The following LHX4 variants were observed in gnomAD, a reference collection of about 807,000 sequenced individuals.
The protein encoded by LHX4 is LIM/homeobox protein Lhx4.
A neutral mutation model predicts 39.2 loss-of-function variants in LHX4; 16 were observed. That is an observed-to-expected ratio of 0.41 (90% CI 0.28 to 0.62). The LOEUF (loss-of-function observed/expected upper bound fraction) is 0.62, where lower values mean the gene tolerates loss of function less well. Among genes scored for constraint, LHX4 ranks in the 20% least tolerant of loss-of-function variants. The pLI is 0.33. For synonymous variants in LHX4, 206 were observed against 198.1 expected (o/e 1.04, Z -0.33); for missense variants, 439 against 511.9 (o/e 0.86, Z 1.37).
rs578008740 is a variant in LHX4, at chr1:180,242,067, A to T, written c.77-6218A>T. On this transcript the variant is annotated intron_variant, in intron 1 of 5. Transcript: ENST00000263726. ...ATTTTTGAGCCCTTTCCAAAAAAGT[A>T]TTTGAAACAATGTTTCTACTTCCTT... Among the ~76,000 whole-genome samples the T allele has an allele frequency of 8.0e-4, 121 of 152,100 alleles. 1 individual carries two copies. In the South Asian group the frequency reaches 0.012, roughly 15 times the overall value.
intron 1 of LHX4, among the ~76,000 whole-genome samples, chr1:180,248,051 C>G (rs1053337528): frequency 2.0e-5 from 3 of 152,222 alleles, no homozygotes; most frequent in Admixed American, 2.0e-4. Flanking sequence ...CACCCCAAGC[C>G]AGAATCCACA....
intron 3 of LHX4, chr1:180,270,857 GAC>G: frequency 4.9e-6 from 1 of 203,836 alleles, no homozygotes; most frequent in Non-Finnish European, 1.0e-5. Flanking sequence ...AACCTGCTTA[GAC>G]ACTGTTGGGT....
chr1:180,260,535 G>C (rs908954896), intron 2 of LHX4, among the ~76,000 whole-genome samples: 1 of 151,962 alleles, frequency 6.6e-6, no homozygotes, highest in Non-Finnish European at 1.5e-5. Context: ...CTGGGACCCA[G>C]CACACAAGAC....
At chr1:180,249,886 AGT>A in intron 2 of LHX4, among the ~76,000 whole-genome samples, 1 of 143,456 alleles carries the variant, frequency 7.0e-6, no homozygotes, top group South Asian at 2.2e-4. Flanking sequence ...TGCGTGTGTG[AGT>A]GTGTGTATGA....
intron 2 of LHX4, among the ~76,000 whole-genome samples, chr1:180,257,255 A>G (rs357062): frequency 0.29 from 43,621 of 152,136 alleles, 6,959 homozygotes; most frequent in African/African-American, 0.44. Context: ...AGGGCCTTGG[A>G]CTAGGTCACT....
rs80332346 is a variant in LHX4, at chr1:180,254,600, C to T, written c.248+6144C>T. Among the ~76,000 whole-genome samples, 579 of 152,286 alleles carry T rather than the reference C, an allele frequency of 3.8e-3. 4 individuals are homozygous for T. Among genetic ancestry groups the T allele is most frequent in the African/African-American group, 0.013 (543 of 41,546 alleles). Reference sequence around the variant, plus strand: ...CACTCTGGTGACCAGGGCCTCTGCTCCTCATCTTGCAGGGGGCAGCTGCCC... The same window carrying T: ...CACTCTGGTGACCAGGGCCTCTGCTTCTCATCTTGCAGGGGGCAGCTGCCC... On this transcript the variant is annotated intron_variant, in intron 2 of 5. Transcript: ENST00000263726.
At chr1:180,240,826 C>A (rs1664428206) in intron 1 of LHX4, among the ~76,000 whole-genome samples, 2 of 152,138 alleles carry the variant, frequency 1.3e-5, no homozygotes, top group African/African-American at 4.8e-5. Context: ...AAATGGAATC[C>A]AGTTTCTGAT....
At chr1:180,229,792 C>G (rs114309408), upstream of LHX4, among the ~76,000 whole-genome samples, 1 of 151,430 alleles carries the variant, frequency 6.6e-6, no homozygotes, top group Admixed American at 6.6e-5. Flanking sequence ...CCCCTGGGTC[C>G]GAACGGAGGA....
At position 180,274,038 on chromosome 1, in the gene LHX4, T is replaced by C. The variant is rs1648861961; in HGVS notation, c.779-147T>C. 4 of 940,570 alleles carry C rather than the reference T, an allele frequency of 4.3e-6. No individual in the cohort carries two copies. The East Asian group carries it at 9.9e-5, about 23-fold the overall frequency. The allele number at this position is 940,570 out of a possible 1,614,324, so 58.3% of individuals were successfully genotyped here. A position where few individuals can be genotyped will look rare whatever the true frequency, so the allele number is the denominator to read the frequency against. ...TTGGCCTCTGGATATCAGGCTGCCA[T>C]ATTGGTGTGTCTGACCCATGCTTGG... On this transcript the variant is annotated intron_variant, in intron 5 of 5. Coordinates refer to ENST00000263726, the MANE Select transcript of LHX4 (RefSeq NM_033343.4).
rs775443876 is a variant in LHX4 at position 180,266,626 on chromosome 1, C to G, written c.451+32C>G. 6.2e-7 allele frequency: 1 copy of G among 1,605,758 alleles called. No individual in the cohort carries two copies. Among genetic ancestry groups the G allele is most frequent in the Non-Finnish European group, 8.5e-7 (1 of 1,174,788 alleles). Reference sequence around the variant, plus strand: ...AGCATGGCCCCGCATGGTCCCCTCTCCAGGCCTTTGTTTGGGCCACGCCCT... The same window carrying G: ...AGCATGGCCCCGCATGGTCCCCTCTGCAGGCCTTTGTTTGGGCCACGCCCT... On this transcript the variant is annotated intron_variant, in intron 3 of 5. Transcript: ENST00000263726. The surrounding 1 kb of genome is among the most constrained non-coding windows in gnomAD (Gnocchi z 5.7).
chr1:180,269,601 T>C (rs1420928496), intron 3 of LHX4: 2 of 152,226 alleles, frequency 1.3e-5, no homozygotes, highest in Non-Finnish European at 2.9e-5. Context: ...GAATTTATAA[T>C]TCCGTAGGCC....
chr1:180,239,551 C>T (rs751315297), intron 1 of LHX4, among the ~76,000 whole-genome samples: 16 of 152,172 alleles, frequency 1.1e-4, no homozygotes, highest in Non-Finnish European at 1.9e-4. Context: ...CAAAAAACTG[C>T]TTACTTCTGG....
chr1:180,257,133 C>CA (rs1371567194), intron 2 of LHX4, among the ~76,000 whole-genome samples: 2 of 152,222 alleles, frequency 1.3e-5, no homozygotes, highest in East Asian at 3.9e-4. Flanking sequence ...GACTTGAGGC[C>CA]AAATGGACGG....
At chr1:180,236,171 T>C (rs963943651) in intron 1 of LHX4, among the ~76,000 whole-genome samples, 1 of 144,792 alleles carries the variant, frequency 6.9e-6, no homozygotes. Flanking sequence ...AATACCAGGG[T>C]CCATTTTTAA....
upstream of LHX4, among the ~76,000 whole-genome samples, chr1:180,229,878 C>G (rs948138823): frequency 6.6e-6 from 1 of 151,068 alleles, no homozygotes; most frequent in African/African-American, 2.4e-5. Context: ...TCTCCGACCA[C>G]CTGCTGCCGC....
rs1649042375 is a variant in LHX4 at position 180,276,574 on chromosome 1, G to A, written c.*1995G>A. 6.6e-6 allele frequency: 1 copy of A among 152,234 alleles called. No individual in the cohort carries two copies. The highest frequency in any genetic ancestry group is 1.5e-5 in the Non-Finnish European group (1 of 68,042). The allele number at this position is 152,234 out of a possible 1,614,324, so 9.4% of individuals were successfully genotyped here. ...GAATTCTCCAATCATGAACACTGGG[G>A]TGGGGAGGAAGACACAAATGCCATG... is the stretch of plus-strand genomic sequence containing the variant. On this transcript the variant is annotated 3_prime_UTR_variant, in exon 6 of 6. Coordinates refer to ENST00000263726, the MANE Select transcript of LHX4 (RefSeq NM_033343.4).
chr1:180,233,245 C>G (rs1444939405), intron 1 of LHX4, among the ~76,000 whole-genome samples: 3 of 152,374 alleles, frequency 2.0e-5, no homozygotes, highest in African/African-American at 4.8e-5. Flanking sequence ...TTGGCCTCTT[C>G]CTCGCCACTC....
chr1:180,229,965 G>T (rs1262997411), upstream of LHX4, among the ~76,000 whole-genome samples: 1 of 12,170 alleles, frequency 8.2e-5, no homozygotes, highest in Admixed American at 1.2e-3. Flanking sequence ...GAGGCGGGGA[G>T]GGGGGGGGGG....
At chr1:180,246,972 T>C (rs1647412669) in intron 1 of LHX4, among the ~76,000 whole-genome samples, 1 of 152,220 alleles carries the variant, frequency 6.6e-6, no homozygotes. Context: ...TGGTAAACCC[T>C]GGGGTTGCCA....
Sources: gnomAD v4.1 joint callset for allele counts (sites outside exome capture counted in the v4.1 genomes callset) on GRCh38, gnomAD v4.1.1 for gene constraint, Gnocchi (gnomAD v3.1) non-coding constraint, MANE v1.5 for transcripts, NCBI Gene and HGNC (gene_info 2026-07-23, HGNC 2026-07-21) for gene names.